The following LARGE1 variants were observed in gnomAD, a reference collection of about 807,000 sequenced individuals.
LARGE1 encodes LARGE xylosyl- and glucuronyltransferase 1, also known as xylosyl- and glucuronyltransferase LARGE1.
LARGE1 carries 43 observed loss-of-function variants against 87.6 expected under a neutral mutation model. That is an observed-to-expected ratio of 0.49 (90% confidence interval 0.38 to 0.63). The LOEUF (loss-of-function observed/expected upper bound fraction) is 0.63. LARGE1 is among the 30% of genes least tolerant of loss of function. The pLI, the probability that LARGE1 is intolerant of heterozygous loss-of-function variation, is 0.00. For synonymous variants in LARGE1, 434 were observed against 394.6 expected, an observed-to-expected ratio of 1.10 and a Z score of -1.18; for missense variants, 802 against 1,000.2, an observed-to-expected ratio of 0.80 and a Z score of 2.67.
At chr22:33,582,076 C>G (rs2078537466) in intron 5 of LARGE1, among the ~76,000 whole-genome samples, 2 of 152,158 alleles carry the variant, frequency 1.3e-5, no homozygotes, top group South Asian at 4.1e-4. Context: ...GGCAATTTTG[C>G]CCCCAAAGGA....
intron 6 of LARGE1, among the ~76,000 whole-genome samples, chr22:33,435,277 C>T (rs2067227876): frequency 2.0e-5 from 3 of 152,220 alleles, no homozygotes; most frequent in Admixed American, 2.0e-4. Flanking sequence ...GCTAGGATTA[C>T]AGGCGTGAGC....
the LARGE1 span, among the ~76,000 whole-genome samples, chr22:33,144,738 A>G: frequency 6.6e-6 from 1 of 152,200 alleles, no homozygotes; most frequent in Non-Finnish European, 1.5e-5. Flanking sequence ...CCACCCAAGA[A>G]GTATTCATCA....
At chr22:33,785,383 A>C (rs2085609150) in intron 1 of LARGE1, among the ~76,000 whole-genome samples, 1 of 152,084 alleles carries the variant, frequency 6.6e-6, no homozygotes, top group African/African-American at 2.4e-5. Flanking sequence ...ACAACTCATA[A>C]AGTCACTCGA....
intron 10 of LARGE1, among the ~76,000 whole-genome samples, chr22:33,331,901 C>A (rs2146493949): frequency 6.6e-6 from 1 of 152,250 alleles, no homozygotes; most frequent in East Asian, 1.9e-4. Flanking sequence ...TCCAGGAAGT[C>A]TTCCTCGATG....
At chr22:33,601,391 C>T (rs1056538042) in intron 5 of LARGE1, among the ~76,000 whole-genome samples, 6 of 152,132 alleles carry the variant, frequency 3.9e-5, no homozygotes, top group African/African-American at 1.4e-4. Flanking sequence ...AGTTCCAGAA[C>T]AGCAACTAAG....
At chr22:33,821,985 A>G (rs910881486) in intron 1 of LARGE1, among the ~76,000 whole-genome samples, 6 of 122,692 alleles carry the variant, frequency 4.9e-5, no homozygotes, top group South Asian at 2.5e-4. Context: ...AGCTGTTTCT[A>G]TTGCGGGTAT....
chr22:33,807,013 A>AG (rs1317779389), intron 1 of LARGE1, among the ~76,000 whole-genome samples: 1 of 152,118 alleles, frequency 6.6e-6, no homozygotes, highest in Non-Finnish European at 1.5e-5. Flanking sequence ...CGTCTCAAAA[A>AG]AAAAAATCCT....
chr22:33,770,767 G>C (rs1049864216), intron 1 of LARGE1, among the ~76,000 whole-genome samples: 1 of 152,100 alleles, frequency 6.6e-6, no homozygotes, highest in Non-Finnish European at 1.5e-5. Context: ...AATTTTATGT[G>C]TATGTGTGTG....
the LARGE1 span, among the ~76,000 whole-genome samples, chr22:33,066,996 C>T: frequency 1.3e-5 from 2 of 152,070 alleles, no homozygotes; most frequent in Non-Finnish European, 2.9e-5. Flanking sequence ...GACCAGCTGA[C>T]TGGCCTTTCT....
chr22:33,323,023 G>A (rs1936901704), intron 10 of LARGE1, among the ~76,000 whole-genome samples: 1 of 152,196 alleles, frequency 6.6e-6, no homozygotes, highest in Admixed American at 6.5e-5. Context: ...TTGGGAGGCT[G>A]AGGCAGGAGA....
chr22:33,714,441 CACTT>C (rs1448935228), intron 2 of LARGE1, among the ~76,000 whole-genome samples: 1 of 152,178 alleles, frequency 6.6e-6, no homozygotes, highest in African/African-American at 2.4e-5. Context: ...TAATTACACT[CACTT>C]AGTAGAATTA....
chr22:33,402,209 T>G (rs1207083539), intron 7 of LARGE1, among the ~76,000 whole-genome samples: 1 of 152,102 alleles, frequency 6.6e-6, no homozygotes, highest in Non-Finnish European at 1.5e-5. Flanking sequence ...GACATTGGCT[T>G]TGGTAGGTCT....
At chr22:33,494,885 G>C (rs1440076078) in intron 6 of LARGE1, among the ~76,000 whole-genome samples, 1 of 152,174 alleles carries the variant, frequency 6.6e-6, no homozygotes, top group Non-Finnish European at 1.5e-5. Context: ...ATCTGGGAGA[G>C]GGCAGGCAAC....
chr22:33,645,990 G>A (rs2080600325), intron 3 of LARGE1, among the ~76,000 whole-genome samples: 2 of 152,198 alleles, frequency 1.3e-5, no homozygotes, highest in Non-Finnish European at 2.9e-5. Context: ...TACACTGTTG[G>A]TGGGGATGTA....
intron 7 of LARGE1, among the ~76,000 whole-genome samples, chr22:33,431,148 G>A (rs998367794): frequency 2.6e-5 from 4 of 152,218 alleles, no homozygotes; most frequent in African/African-American, 9.6e-5. Context: ...GGAGGAGGGA[G>A]GCAGAAGGAT....
chr22:33,878,285 C>T (rs528573064), intron 1 of LARGE1, among the ~76,000 whole-genome samples: 4 of 151,146 alleles, frequency 2.6e-5, no homozygotes, highest in South Asian at 2.1e-4. Flanking sequence ...CTATAGGCAC[C>T]CGCCATCACG....
At chr22:33,158,165 A>G (rs1921925361), downstream of LARGE1, among the ~76,000 whole-genome samples, 1 of 152,194 alleles carries the variant, frequency 6.6e-6, no homozygotes, top group South Asian at 2.1e-4. Flanking sequence ...TGAAGTTCTT[A>G]TCCACTAAGT....
chr22:33,764,510 C>T (rs2145757350), intron 1 of LARGE1, among the ~76,000 whole-genome samples: 1 of 152,248 alleles, frequency 6.6e-6, no homozygotes, highest in African/African-American at 2.4e-5. Flanking sequence ...GTAATCCCAG[C>T]ACTTTGGGAG....
At chr22:33,686,901 A>C (rs2081961678) in intron 2 of LARGE1, among the ~76,000 whole-genome samples, 1 of 152,242 alleles carries the variant, frequency 6.6e-6, no homozygotes, top group Admixed American at 6.5e-5. Context: ...CTTCTATTTT[A>C]TCTGGCAACC....
Sources: gnomAD v4.1 joint callset for allele counts (sites outside exome capture counted in the v4.1 genomes callset) on GRCh38, gnomAD v4.1.1 for gene constraint, MANE v1.5 for transcripts, NCBI Gene and HGNC (gene_info 2026-07-23, HGNC 2026-07-21) for gene names.